The following IMMP2L variants were observed in gnomAD, a reference collection of about 807,000 sequenced individuals.
The protein encoded by IMMP2L is inner mitochondrial membrane peptidase subunit 2, also known as mitochondrial inner membrane protease subunit 2.
IMMP2L carries 18 observed loss-of-function variants against 19.3 expected under a neutral mutation model. The ratio of observed to expected loss-of-function variants is 0.93; its 90% CI spans 0.64 to 1.38. IMMP2L has a LOEUF of 1.38. Ranked by LOEUF, IMMP2L falls within the 40% of genes most tolerant of loss-of-function variation. The pLI is 0.00. For synonymous variants in IMMP2L, 76 were observed against 73.0 expected, an observed-to-expected ratio of 1.04 and a Z score of -0.21; for missense variants, 233 against 218.2, an observed-to-expected ratio of 1.07 and a Z score of -0.43.
chr7:110,941,274 A>G (rs1332844752), intron 4 of IMMP2L, among the ~76,000 whole-genome samples: 1 of 152,180 alleles, frequency 6.6e-6, no homozygotes, highest in Non-Finnish European at 1.5e-5. Flanking sequence ...AAGCACCACA[A>G]AGTAACATGC....
In IMMP2L at chr7:111,532,205, G is replaced by A. The variant is rs139691142; in HGVS notation, c.-2-10756C>T. ...ATGTGACAGCCAGTTTCCAAAGCAC[G>A]GTCATCCAAGTACCAAGCTTTGCTG... On this transcript the variant is annotated intron_variant, in intron 1 of 5. Transcript: ENST00000405709. Among the ~76,000 whole-genome samples the A allele has an allele frequency of 5.7e-3, 864 of 152,124 alleles. 7 individuals are homozygous for A. The highest frequency in any genetic ancestry group is 0.02 in the African/African-American group (811 of 41,500).
chr7:111,506,987 G>A (rs1031292226), intron 2 of IMMP2L, among the ~76,000 whole-genome samples: 4 of 151,910 alleles, frequency 2.6e-5, no homozygotes, highest in Non-Finnish European at 5.9e-5. Flanking sequence ...GACTACAGGC[G>A]CATGCCACCA....
intron 2 of IMMP2L, among the ~76,000 whole-genome samples, chr7:111,510,701 A>C (rs1163581060): frequency 6.6e-6 from 1 of 152,102 alleles, no homozygotes; most frequent in Non-Finnish European, 1.5e-5. Flanking sequence ...AAAATTATTC[A>C]AACTAGCCAG....
intron 3 of IMMP2L, among the ~76,000 whole-genome samples, chr7:111,097,507 T>C (rs1486872008): frequency 6.6e-6 from 1 of 151,888 alleles, no homozygotes; most frequent in Non-Finnish European, 1.5e-5. Context: ...TGTTCTATAA[T>C]TTATAGTCTC....
intron 5 of IMMP2L, among the ~76,000 whole-genome samples, chr7:110,868,199 C>A (rs1808186026): frequency 6.8e-6 from 1 of 146,464 alleles, no homozygotes; most frequent in Non-Finnish European, 1.5e-5. Context: ...ATTAGATGAG[C>A]AAGACTAACT....
intron 3 of IMMP2L, among the ~76,000 whole-genome samples, chr7:111,297,720 G>T (rs1821778648): frequency 6.6e-6 from 1 of 152,126 alleles, no homozygotes; most frequent in Admixed American, 6.6e-5. Flanking sequence ...AAGAAAAATT[G>T]CACAGAAATA....
At chr7:111,309,771 T>C (rs767169577) in intron 3 of IMMP2L, among the ~76,000 whole-genome samples, 27 of 152,296 alleles carry the variant, frequency 1.8e-4, no homozygotes, top group Middle Eastern at 3.4e-3. Context: ...TTTTGAAATA[T>C]TGTTACACTC....
intron 3 of IMMP2L, among the ~76,000 whole-genome samples, chr7:111,473,867 C>T (rs1178370081): frequency 2.0e-5 from 3 of 152,124 alleles, no homozygotes; most frequent in Admixed American, 2.0e-4. Flanking sequence ...GATGCACACA[C>T]TCATATGTTC....
chr7:111,006,170 A>G (rs901118488), intron 3 of IMMP2L, among the ~76,000 whole-genome samples: 1 of 152,174 alleles, frequency 6.6e-6, no homozygotes, highest in Non-Finnish European at 1.5e-5. Context: ...TTATAAATAT[A>G]TATCAGTGAT....
intron 3 of IMMP2L, among the ~76,000 whole-genome samples, chr7:111,435,190 C>G (rs532244932): frequency 6.6e-6 from 1 of 151,798 alleles, no homozygotes; most frequent in South Asian, 2.1e-4. Flanking sequence ...GGGTATCTAT[C>G]CAAAGGGAAG....
chr7:111,226,467 T>C (rs1276637114), intron 3 of IMMP2L, among the ~76,000 whole-genome samples: 1 of 152,020 alleles, frequency 6.6e-6, no homozygotes, highest in East Asian at 1.9e-4. Context: ...CATGCCTGGC[T>C]GTTTCTCACT....
At chr7:110,821,632 G>T (rs917620290) in intron 5 of IMMP2L, among the ~76,000 whole-genome samples, 1 of 152,006 alleles carries the variant, frequency 6.6e-6, no homozygotes, top group African/African-American at 2.4e-5. Context: ...GGAAAGGTAG[G>T]CTGGGCACAG....
At chr7:111,411,496 T>C in intron 3 of IMMP2L, 1 of 455,584 alleles carries the variant, frequency 2.2e-6, no homozygotes, top group Non-Finnish European at 4.4e-6. Flanking sequence ...TGGGCTGTAT[T>C]GACATTATGG....
chr7:110,904,691 T>A (rs1410181526), intron 4 of IMMP2L, among the ~76,000 whole-genome samples: 1 of 152,190 alleles, frequency 6.6e-6, no homozygotes, highest in African/African-American at 2.4e-5. Context: ...ATTCAACTCA[T>A]CCCCTTGTTT....
intron 3 of IMMP2L, among the ~76,000 whole-genome samples, chr7:111,003,706 C>A (rs998643358): frequency 3.9e-5 from 6 of 151,948 alleles, no homozygotes; most frequent in African/African-American, 1.5e-4. Context: ...GAAATGGGGT[C>A]TTACTATGCT....
At chr7:110,706,113 G>C (rs1426124498) in intron 5 of IMMP2L, among the ~76,000 whole-genome samples, 1 of 152,044 alleles carries the variant, frequency 6.6e-6, no homozygotes. Flanking sequence ...TGGTAGTACT[G>C]TATTTTAGAG....
At chr7:110,807,937 C>T (rs1247934912) in intron 5 of IMMP2L, among the ~76,000 whole-genome samples, 1 of 151,898 alleles carries the variant, frequency 6.6e-6, no homozygotes, top group Non-Finnish European at 1.5e-5. Flanking sequence ...GTTATGATTA[C>T]AATGGTTTCT....
At chr7:111,523,638 T>A (rs983651941) in intron 1 of IMMP2L, among the ~76,000 whole-genome samples, 3 of 152,076 alleles carry the variant, frequency 2.0e-5, no homozygotes, top group Non-Finnish European at 4.4e-5. Flanking sequence ...AAACCAGTAA[T>A]CTTTTTATAC....
In IMMP2L at chr7:111,141,640, T is replaced by C. The variant is rs533029840; in HGVS notation, c.240-178075A>G. 4.6e-5 allele frequency among the ~76,000 whole-genome samples: 7 copies of C among 152,290 alleles called. No homozygotes were observed. The East Asian group carries it at 1.2e-3, about 25-fold the overall frequency. On this transcript the variant is annotated intron_variant, in intron 3 of 5. Coordinates refer to ENST00000405709, the MANE Select transcript of IMMP2L (RefSeq NM_032549.4). ...CATTGTGGGTTTATGGGGGTTTTTA[T>C]TCCTCATTGGCATTTTAGTGACATT... is the stretch of plus-strand genomic sequence containing the variant.
Sources: gnomAD v4.1 joint callset for allele counts (sites outside exome capture counted in the v4.1 genomes callset) on GRCh38, gnomAD v4.1.1 for gene constraint, MANE v1.5 for transcripts, NCBI Gene and HGNC (gene_info 2026-07-23, HGNC 2026-07-21) for gene names.